The following CABLES1 variants were observed in gnomAD, a reference collection of about 807,000 sequenced individuals.
CABLES1 encodes the protein Cdk5 and Abl enzyme substrate 1, also known as CDK5 and ABL1 enzyme substrate 1.
Under a neutral mutation model 57.8 loss-of-function variants are expected in CABLES1, and 36 were observed. The ratio of observed to expected loss-of-function variants is 0.62; its 90% CI spans 0.48 to 0.82. The LOEUF (loss-of-function observed/expected upper bound fraction) is 0.82, where lower values mean the gene tolerates loss of function less well. CABLES1 is among the 40% of genes least tolerant of loss of function. The pLI is 0.00. For synonymous variants in CABLES1, 374 were observed against 363.0 expected (o/e 1.03, Z -0.35); for missense variants, 767 against 836.6 (o/e 0.92, Z 1.03).
At chr18:23,152,060 C>G (rs529363114) in intron 1 of CABLES1, among the ~76,000 whole-genome samples, 17 of 152,224 alleles carry the variant, frequency 1.1e-4, no homozygotes, top group Non-Finnish European at 1.9e-4. Flanking sequence ...GTAGCAGTGC[C>G]ATCTCTGAGA....
intron 4 of CABLES1, among the ~76,000 whole-genome samples, chr18:23,218,731 CTGATTG>C (rs1290743934): frequency 6.6e-6 from 1 of 152,222 alleles, no homozygotes; most frequent in African/African-American, 2.4e-5. Context: ...AACTTGAACA[CTGATTG>C]TGGATTCTGA....
chr18:23,211,701 C>A (rs548776075), intron 3 of CABLES1, among the ~76,000 whole-genome samples: 10 of 152,382 alleles, frequency 6.6e-5, no homozygotes, highest in Non-Finnish European at 1.0e-4. Context: ...CCAATCTCCA[C>A]CCTGCCCCAC....
intron 7 of CABLES1, among the ~76,000 whole-genome samples, chr18:23,252,000 C>T (rs1031482277): frequency 2.3e-4 from 35 of 151,394 alleles, no homozygotes; most frequent in African/African-American, 8.3e-4. Context: ...ACAGGAGAAT[C>T]GCTTGAACCC....
intron 7 of CABLES1, among the ~76,000 whole-genome samples, chr18:23,246,640 C>T (rs569551427): frequency 1.3e-5 from 2 of 151,830 alleles, no homozygotes; most frequent in South Asian, 2.1e-4. Flanking sequence ...ATCCGCCCAC[C>T]TTGGCCTCCC....
intron 4 of CABLES1, among the ~76,000 whole-genome samples, chr18:23,229,916 G>A (rs550535682): frequency 6.6e-6 from 1 of 152,278 alleles, no homozygotes; most frequent in Non-Finnish European, 1.5e-5. Context: ...GGTCAAGTAC[G>A]ACCAAAGAAC....
chr18:23,200,463 C>G (rs936895817), intron 3 of CABLES1, among the ~76,000 whole-genome samples: 1 of 152,102 alleles, frequency 6.6e-6, no homozygotes, highest in East Asian at 1.9e-4. Context: ...GGGGTTTCAC[C>G]ATGTTAGCCA....
intron 4 of CABLES1, among the ~76,000 whole-genome samples, chr18:23,215,680 G>T (rs150222827): frequency 6.6e-6 from 1 of 152,154 alleles, no homozygotes; most frequent in African/African-American, 2.4e-5. Context: ...GATTGGGTTC[G>T]TGTGCCCCTG....
chr18:23,168,605 A>G (rs1442947704), intron 1 of CABLES1, among the ~76,000 whole-genome samples: 1 of 152,156 alleles, frequency 6.6e-6, no homozygotes, highest in Non-Finnish European at 1.5e-5. Context: ...AAAATGGTAG[A>G]TTTATGCTAT....
intron 2 of CABLES1, among the ~76,000 whole-genome samples, chr18:23,194,066 C>T (rs1032559020): frequency 2.6e-5 from 4 of 152,046 alleles, no homozygotes; most frequent in Non-Finnish European, 4.4e-5. Flanking sequence ...GTTTCCCTAC[C>T]CCCTTTAAAT....
At chr18:23,175,199 A>G (rs1430227756) in intron 1 of CABLES1, among the ~76,000 whole-genome samples, 1 of 152,198 alleles carries the variant, frequency 6.6e-6, no homozygotes, top group Non-Finnish European at 1.5e-5. Context: ...TTGTACCTCA[A>G]AACAGCTACA....
chr18:23,140,156 C>G (rs1301879673), intron 1 of CABLES1, among the ~76,000 whole-genome samples: 1 of 152,232 alleles, frequency 6.6e-6, no homozygotes, highest in East Asian at 1.9e-4. Context: ...AGCTTCATGC[C>G]TATCGTGTTT....
At chr18:23,163,206 GGAA>G (rs1023746680) in intron 1 of CABLES1, among the ~76,000 whole-genome samples, 6 of 152,048 alleles carry the variant, frequency 3.9e-5, no homozygotes, top group Admixed American at 1.3e-4. Context: ...AGGAGGAGGA[GGAA>G]GAAGAAGAGG....
At chr18:23,243,436 G>A (rs922571127) in intron 7 of CABLES1, among the ~76,000 whole-genome samples, 6 of 151,498 alleles carry the variant, frequency 4.0e-5, no homozygotes, top group African/African-American at 7.3e-5. Flanking sequence ...GCTGTGTGGG[G>A]GAGGGAGGGT....
chr18:23,165,933 T>A (rs543241017), intron 1 of CABLES1, among the ~76,000 whole-genome samples: 1 of 152,282 alleles, frequency 6.6e-6, no homozygotes, highest in East Asian at 1.9e-4. Flanking sequence ...GATTCCTTCA[T>A]CAAACATGAT....
At chr18:23,239,154 G>A (rs530898776) in intron 7 of CABLES1, among the ~76,000 whole-genome samples, 81 of 152,342 alleles carry the variant, frequency 5.3e-4, no homozygotes, top group African/African-American at 1.9e-3. Flanking sequence ...ATGTGCGTGT[G>A]CACGTATACA....
chr18:23,214,047 C>T lies in CABLES1; in HGVS notation c.1081C>T (p.Gln361Ter). The T allele has an allele frequency of 6.2e-7, 1 of 1,610,720 alleles. No homozygotes were observed. Among genetic ancestry groups the T allele is most frequent in the Non-Finnish European group, 8.5e-7 (1 of 1,177,340 alleles). ...AGTGCTGCCGTATCGCGACAGTACC[C>T]AAGTCGGGTATGTATATGCATGCAT... is the stretch of plus-strand genomic sequence containing the variant. ...FSVLPYRDST[Q>*]VGDLKLDGGR... is the part of the protein sequence containing the mutation. The change falls in exon 4 of 10, where the codon CAA becomes TAA. Residue 361 changes from glutamine to a stop codon, truncating the protein, a stop_gained. Transcript: ENST00000256925. LOFTEE classifies it high-confidence loss of function.
intron 3 of CABLES1, 81 bp from the exon 4 acceptor site, chr18:23,213,896 T>C: frequency 1.1e-6 from 1 of 891,180 alleles, no homozygotes; most frequent in Non-Finnish European, 1.8e-6. Flanking sequence ...CCATGAATGC[T>C]TAATTGCTAT....
intron 7 of CABLES1, among the ~76,000 whole-genome samples, chr18:23,244,176 C>G (rs570782059): frequency 2.6e-5 from 4 of 152,296 alleles, no homozygotes; most frequent in Middle Eastern, 3.4e-3. Flanking sequence ...ATCTCAGGGC[C>G]AGTCACCTGG....
At chr18:23,216,913 A>G (rs940471852) in intron 4 of CABLES1, among the ~76,000 whole-genome samples, 1 of 152,138 alleles carries the variant, frequency 6.6e-6, no homozygotes, top group African/African-American at 2.4e-5. Context: ...ACTGCATAGG[A>G]TATTCAGCAG....
Sources: allele counts gnomAD v4.1 joint callset (sites outside exome capture counted in the v4.1 genomes callset), GRCh38; gene constraint gnomAD v4.1.1; transcripts MANE v1.5; gene names NCBI Gene and HGNC (gene_info 2026-07-23, HGNC 2026-07-21).